The following PARP8 variants were observed in gnomAD, a reference collection of about 807,000 sequenced individuals.
PARP8 encodes protein mono-ADP-ribosyltransferase PARP8.
A neutral mutation model predicts 124.1 loss-of-function variants in PARP8; 51 were observed. The ratio of observed to expected loss-of-function variants is 0.41; its 90% confidence interval spans 0.33 to 0.52. The LOEUF (loss-of-function observed/expected upper bound fraction) is 0.52. Among genes scored for constraint, PARP8 ranks in the 20% least tolerant of loss-of-function variants. The pLI is 0.21. For missense variants in PARP8, 860 were observed against 1,018.9 expected, an observed-to-expected ratio of 0.84 and a Z score of 2.12; for synonymous variants, 391 against 361.5, an observed-to-expected ratio of 1.08 and a Z score of -0.93.
intron 14 of PARP8, among the ~76,000 whole-genome samples, chr5:50,806,108 T>G (rs1258904590): frequency 1.3e-5 from 2 of 152,072 alleles, no homozygotes; most frequent in Non-Finnish European, 2.9e-5. Context: ...GATCTGGGTA[T>G]TCACAGTTCT....
Position 50,828,365 on chromosome 5 carries a change from C to G in PARP8, c.2144C>G (p.Ala715Gly), listed in dbSNP as rs1746577236. ...HSILRNGLVV[A>G]SNTRLQLHGA... ...ATCCTGAGGAATGGTCTGGTTGTTG[C>G]TTCTAATACACGATTGCAGGTAGAT... The change falls in exon 21 of 26, where the codon GCT (alanine) becomes GGT (glycine). Residue 715 changes from alanine to glycine, a missense_variant. Ala to Gly is a moderately conservative substitution (Grantham distance 60). Around this residue, in one of 2 missense-constraint regions of PARP8, gnomAD observed 343 missense variants for 474.7 expected, o/e 0.72. Coordinates refer to ENST00000281631, the MANE Select transcript of PARP8 (RefSeq NM_024615.4). The G allele has an allele frequency of 6.2e-7, 1 of 1,613,210 alleles. No homozygotes were observed. Among genetic ancestry groups the G allele is most frequent in the Non-Finnish European group, 8.5e-7 (1 of 1,179,362 alleles).
chr5:50,815,455 G>C lies in PARP8; in HGVS notation c.1599G>C (p.Leu533=). ...MLRPTVCERE[L]CVFAFQTLGV... ...AGCCTACCGTATGTGAACGGGAGCT[G>C]TGTGTGTTTGCTTTTCAAACCCTGG... Residue 533 remains leucine, a synonymous_variant, in exon 15 of 26, where the codon CTG becomes CTC. Transcript: ENST00000281631. 1 of 1,598,090 alleles carries C rather than the reference G, an allele frequency of 6.3e-7. No homozygotes were observed. Among genetic ancestry groups the C allele is most frequent in the Non-Finnish European group, 8.5e-7 (1 of 1,173,294 alleles).
At chr5:50,819,184 T>A (rs1419627080) in intron 15 of PARP8, among the ~76,000 whole-genome samples, 1 of 152,108 alleles carries the variant, frequency 6.6e-6, no homozygotes, top group African/African-American at 2.4e-5. Context: ...TAGTTACACT[T>A]TTTTTTGAAG....
At chr5:50,715,275 C>T (rs1015361429) in intron 2 of PARP8, among the ~76,000 whole-genome samples, 30 of 152,192 alleles carry the variant, frequency 2.0e-4, no homozygotes, top group African/African-American at 7.2e-4. Flanking sequence ...TACAGTAGAA[C>T]AGTAGGCAGG....
intron 2 of PARP8, among the ~76,000 whole-genome samples, chr5:50,711,676 C>A (rs1247619280): frequency 6.6e-6 from 1 of 152,134 alleles, no homozygotes; most frequent in Admixed American, 6.6e-5. Context: ...GACCTCCTCA[C>A]CCCGCCCTAA....
chr5:50,781,291 A>G lies in PARP8; in HGVS notation c.670+2641A>G, dbSNP rs547170011. Among the ~76,000 whole-genome samples, 201 of 147,718 alleles carry G rather than the reference A, an allele frequency of 1.4e-3. 1 individual carries two copies. The highest frequency in any genetic ancestry group is 4.9e-3 in the African/African-American group (199 of 40,488). On this transcript the variant is annotated intron_variant, in intron 9 of 25. Coordinates refer to ENST00000281631, the MANE Select transcript of PARP8 (RefSeq NM_024615.4). ...CTTTATCACCAGTCGCTTTTGTTTT[A>G]TTTGTTTAGTGTCGTTTTGAATTTT...
At chr5:50,669,590 C>G (rs911431134) in intron 2 of PARP8, 3 of 152,172 alleles carry the variant, frequency 2.0e-5, no homozygotes, top group Non-Finnish European at 4.4e-5. Flanking sequence ...AAATCATATG[C>G]TTAATCACTA....
rs1748253568 is a variant in PARP8 at position 50,842,215 on chromosome 5, G to T, written c.*147G>T. The T allele has an allele frequency of 3.4e-6, 2 of 579,840 alleles. No individual in the cohort carries two copies. The highest frequency in any genetic ancestry group is 6.8e-5 in the East Asian group (2 of 29,430). The allele number at this position is 579,840 out of a possible 1,614,324, so 35.9% of individuals were successfully genotyped here. ...TGATTTTTTTTCTTAGTATTTCTAA[G>T]TATCTCATTAAATACCTAAAATGGT... On this transcript the variant is annotated 3_prime_UTR_variant, in exon 26 of 26. Coordinates refer to ENST00000281631, the MANE Select transcript of PARP8 (RefSeq NM_024615.4).
chr5:50,754,150 T>TATATATACACACACACAC (rs1312947286), intron 3 of PARP8, among the ~76,000 whole-genome samples: 2 of 37,166 alleles, frequency 5.4e-5, no homozygotes, highest in African/African-American at 2.5e-4. Context: ...TATATATATA[T>TATATATACACACACACAC]ACACACACAC....
intron 2 of PARP8, among the ~76,000 whole-genome samples, chr5:50,722,740 A>T (rs115456300): frequency 0.015 from 2,252 of 152,118 alleles, 57 homozygotes; most frequent in African/African-American, 0.052. Context: ...TCATGTGTGG[A>T]TGTTATATGT....
chr5:50,756,015 T>A (rs568199436), intron 3 of PARP8, among the ~76,000 whole-genome samples: 1 of 152,280 alleles, frequency 6.6e-6, no homozygotes, highest in African/African-American at 2.4e-5. Flanking sequence ...TGCTTGTGAT[T>A]TTTGTGCATT....
chr5:50,735,797 T>G (rs528402513), intron 2 of PARP8, among the ~76,000 whole-genome samples: 1 of 151,834 alleles, frequency 6.6e-6, no homozygotes, highest in South Asian at 2.1e-4. Context: ...CTAAGAAAAG[T>G]TTTAAGTGGG....
intron 2 of PARP8, among the ~76,000 whole-genome samples, chr5:50,725,807 G>A (rs1756370016): frequency 6.6e-6 from 1 of 152,150 alleles, no homozygotes; most frequent in Non-Finnish European, 1.5e-5. Context: ...AATATAATCA[G>A]TGTGTTCTTC....
chr5:50,781,585 C>T (rs1034896092), intron 9 of PARP8, among the ~76,000 whole-genome samples: 2 of 152,178 alleles, frequency 1.3e-5, no homozygotes, highest in Non-Finnish European at 2.9e-5. Context: ...CCCTGGGTCC[C>T]CTTTCCCAGC....
rs1748216284 is a variant in PARP8, at chr5:50,841,815, G to A, written c.2463-151G>A. The A allele has an allele frequency of 1.3e-5, 7 of 522,066 alleles. No individual in the cohort carries two copies. In the Admixed American group the frequency reaches 2.8e-4, roughly 21 times the overall value. The allele number at this position is 522,066 out of a possible 1,614,324, so 32.3% of individuals were successfully genotyped here. On this transcript the variant is annotated intron_variant, in intron 25 of 25. Transcript: ENST00000281631. ...TGGGCTGTTCTGTGTTTCGCAATGAGAACACATTGTTAAATACACCTGAAA... is the reference window on the plus strand; with the variant it reads ...TGGGCTGTTCTGTGTTTCGCAATGAAAACACATTGTTAAATACACCTGAAA...
At chr5:50,799,278 G>T (rs1339555954) in intron 14 of PARP8, among the ~76,000 whole-genome samples, 1 of 152,134 alleles carries the variant, frequency 6.6e-6, no homozygotes, top group Admixed American at 6.5e-5. Flanking sequence ...TCATTCTTTT[G>T]CATGTAGATA....
chr5:50,724,895 CTGTT>C lies in PARP8; in HGVS notation c.147-25253_147-25250del, dbSNP rs150893836. Among the ~76,000 whole-genome samples the C allele has an allele frequency of 5.5e-3, 837 of 152,068 alleles. 7 individuals carry two copies. Among genetic ancestry groups the C allele is most frequent in the African/African-American group, 0.019 (783 of 41,468 alleles). The stretch of plus-strand genomic sequence containing the variant: ...AGTCTCAAAAGTCCATTATATCACT[CTGTT>C]TGCCTTTGCGTACTCGTAGCTTAGC... On this transcript the variant is annotated intron_variant, in intron 2 of 25. Transcript: ENST00000281631.
chr5:50,782,247 G>C (rs1740753455), intron 9 of PARP8, among the ~76,000 whole-genome samples: 2 of 152,100 alleles, frequency 1.3e-5, no homozygotes, highest in African/African-American at 4.8e-5. Flanking sequence ...TGCAAAATTT[G>C]CTGGGCATTT....
intron 14 of PARP8, among the ~76,000 whole-genome samples, chr5:50,803,459 C>A (rs1256235295): frequency 2.0e-5 from 3 of 152,018 alleles, no homozygotes; most frequent in Non-Finnish European, 4.4e-5. Context: ...TTTCCATTAT[C>A]TGTATGTTTG....
Sources: gnomAD v4.1 joint callset for allele counts (sites outside exome capture counted in the v4.1 genomes callset) on GRCh38, gnomAD v4.1.1 for gene constraint, gnomAD v4.1.1 regional missense constraint, MANE v1.5 for transcripts, NCBI Gene and HGNC (gene_info 2026-07-23, HGNC 2026-07-21) for gene names.